Variants in HIVEP3 observed in about 807,000 individuals in gnomAD.
HIVEP3 encodes transcription factor HIVEP3.
Under a neutral mutation model 152.8 loss-of-function variants are expected in HIVEP3, and 49 were observed. The ratio of observed to expected loss-of-function variants is 0.32; its 90% CI spans 0.26 to 0.41. The LOEUF (loss-of-function observed/expected upper bound fraction) is 0.41. HIVEP3 is among the 10% of genes least tolerant of loss of function. The pLI is 1.00. For synonymous variants in HIVEP3, 1,269 were observed against 1,289.0 expected (o/e 0.98, Z 0.33); for missense variants, 2,790 against 3,103.3 (o/e 0.90, Z 2.40).
At chr1:42,023,634 T>C (rs1210447149) in intron 1 of HIVEP3, among the ~76,000 whole-genome samples, 1 of 152,008 alleles carries the variant, frequency 6.6e-6, no homozygotes, top group Non-Finnish European at 1.5e-5. Flanking sequence ...TGTTTAAAAG[T>C]GTGTAGCACC....
chr1:41,872,915 G>A (rs1210741699), intron 1 of HIVEP3, among the ~76,000 whole-genome samples: 1 of 152,146 alleles, frequency 6.6e-6, no homozygotes, highest in Non-Finnish European at 1.5e-5. Context: ...AAATACCTAG[G>A]AGTAAAATCA....
chr1:41,570,507 C>T (rs1313106811), intron 5 of HIVEP3, among the ~76,000 whole-genome samples: 1 of 152,172 alleles, frequency 6.6e-6, no homozygotes, highest in Non-Finnish European at 1.5e-5. Context: ...CTTGCTTCCC[C>T]TTCACCTTCC....
At chr1:41,778,837 T>C (rs1648866442) in intron 1 of HIVEP3, among the ~76,000 whole-genome samples, 2 of 152,134 alleles carry the variant, frequency 1.3e-5, no homozygotes, top group African/African-American at 2.4e-5. Flanking sequence ...GAGGGGTCTA[T>C]GTTACATCGG....
intron 3 of HIVEP3, among the ~76,000 whole-genome samples, chr1:41,619,070 C>T (rs1174520371): frequency 6.6e-6 from 1 of 152,070 alleles, no homozygotes; most frequent in Non-Finnish European, 1.5e-5. Context: ...CACTCCTCTG[C>T]TCAGGCCTCC....
chr1:41,583,090 A>G lies in HIVEP3; in HGVS notation c.1708T>C (p.Ser570Pro), dbSNP rs1644442221. The G allele has an allele frequency of 2.5e-6, 4 of 1,613,088 alleles. No individual in the cohort carries two copies. Among genetic ancestry groups the G allele is most frequent in the Non-Finnish European group, 3.4e-6 (4 of 1,179,796 alleles). Residue 570 changes from serine (S) to proline (P), a missense_variant, in exon 4 of 9, where the codon TCC (serine) becomes CCC (proline). Physicochemically the swap from Ser to Pro is moderately conservative, Grantham distance 74 (BLOSUM62 -1). Transcript: ENST00000372583. This position sits in a 1 kb window ranked among gnomAD's most constrained non-coding sequence, Gnocchi z 6.9. The stretch of plus-strand genomic sequence containing the variant: ...TGACTGCTGTGGCTCAGGGCTTCGG[A>G]GTCGGTGATATGGTCATCGAAGGAG... Reference protein sequence around the residue: ...SYSFDDHITDSEALSHSSHVF... With the variant: ...SYSFDDHITDPEALSHSSHVF...
At chr1:41,886,149 TC>T (rs1011453486) in intron 1 of HIVEP3, among the ~76,000 whole-genome samples, 19 of 152,180 alleles carry the variant, frequency 1.2e-4, no homozygotes, top group African/African-American at 4.1e-4. Flanking sequence ...CTGATACATT[TC>T]CCCTCATGTT....
intron 3 of HIVEP3, among the ~76,000 whole-genome samples, chr1:41,621,012 A>G (rs1437613413): frequency 6.6e-6 from 1 of 152,192 alleles, no homozygotes; most frequent in Non-Finnish European, 1.5e-5. Context: ...CAAGTAATTG[A>G]CAGTGTGACC....
At chr1:41,574,887 C>T (rs940552651) in intron 5 of HIVEP3, among the ~76,000 whole-genome samples, 3 of 152,342 alleles carry the variant, frequency 2.0e-5, no homozygotes, top group Non-Finnish European at 2.9e-5. Context: ...GTCTGAAACA[C>T]GGCACCCTTC....
In HIVEP3 at chr1:41,533,832, T is replaced by C. The variant is rs978767724; in HGVS notation, c.5208-8922A>G. Among the ~76,000 whole-genome samples, 1 of 151,952 alleles carries C rather than the reference T, an allele frequency of 6.6e-6. No homozygotes were observed. The highest frequency in any genetic ancestry group is 2.4e-5 in the African/African-American group (1 of 41,374). ...CGAGTTCCGATGCCTTTGCTATACA[T>C]CTAACTGCCTTAGTATCACCTCTGG... On this transcript the variant is annotated intron_variant, in intron 5 of 8. Transcript: ENST00000372583. This position sits in a 1 kb window ranked among gnomAD's most constrained non-coding sequence, Gnocchi z 4.3.
chr1:41,572,430 T>TC (rs397800455), intron 5 of HIVEP3, among the ~76,000 whole-genome samples: 1 of 210 alleles, frequency 4.8e-3, no homozygotes, highest in Non-Finnish European at 0.012. Flanking sequence ...TCGCCCACCC[T>TC]CTGGGCCCGG....
intron 1 of HIVEP3, among the ~76,000 whole-genome samples, chr1:41,818,905 G>T (rs190077205): frequency 6.6e-6 from 1 of 152,232 alleles, no homozygotes; most frequent in Non-Finnish European, 1.5e-5. Context: ...AAGTAATTCT[G>T]GGGCAACCTT....
intron 3 of HIVEP3, among the ~76,000 whole-genome samples, chr1:41,588,710 G>A (rs765434259): frequency 9.9e-5 from 15 of 152,170 alleles, no homozygotes; most frequent in Non-Finnish European, 1.6e-4. Context: ...CAGGAGCACC[G>A]TTGGCTGCCA....
intron 3 of HIVEP3, among the ~76,000 whole-genome samples, chr1:41,615,796 T>A (rs1385874810): frequency 6.9e-6 from 1 of 145,882 alleles, no homozygotes; most frequent in Non-Finnish European, 1.5e-5. Flanking sequence ...ATGCAGGGCT[T>A]CCACTGTATT....
chr1:41,618,978 A>G (rs10789402), intron 3 of HIVEP3, among the ~76,000 whole-genome samples: 93,811 of 152,152 alleles, frequency 0.62, 29,417 homozygotes, highest in African/African-American at 0.74. Flanking sequence ...GATCTGTCAC[A>G]TCACTGCCTC....
Position 41,581,401 on chromosome 1 carries a change from G to C in HIVEP3, c.3397C>G (p.Leu1133Val), listed in dbSNP as rs1301584638. The C allele has an allele frequency of 6.2e-7, 1 of 1,606,686 alleles. No individual in the cohort carries two copies. Among genetic ancestry groups the C allele is most frequent in the Non-Finnish European group, 8.5e-7 (1 of 1,176,584 alleles). ...VFHHPVAQTP[L>V]HEKPYLPPPV... The stretch of plus-strand genomic sequence containing the variant: ...GGGGGCAGGTATGGCTTCTCATGCA[G>C]GGGTGTCTGGGCAACGGGGTGGTGG... The change falls in exon 4 of 9, where the codon CTG becomes GTG. Residue 1133 changes from leucine to valine, a missense_variant. By Grantham distance (32) the Leu-to-Val change is conservative. Around this residue, in one of 9 missense-constraint regions of HIVEP3, gnomAD observed 1,078 missense variants for 1,165.3 expected, o/e 0.93. Transcript: ENST00000372583. The surrounding 1 kb of genome is among the most constrained non-coding windows in gnomAD (Gnocchi z 4.5).
At chr1:41,775,042 A>G (rs1648609035) in intron 1 of HIVEP3, among the ~76,000 whole-genome samples, 1 of 151,768 alleles carries the variant, frequency 6.6e-6, no homozygotes, top group Non-Finnish European at 1.5e-5. Flanking sequence ...GGCTCAAGCA[A>G]TCCTCCCTCC....
At chr1:41,772,634 G>A (rs545176263) in intron 1 of HIVEP3, among the ~76,000 whole-genome samples, 10 of 152,320 alleles carry the variant, frequency 6.6e-5, no homozygotes, top group Non-Finnish European at 1.2e-4. Flanking sequence ...ATAGGGCCAG[G>A]CACGGTGGCT....
chr1:42,027,830 G>A (rs1280909477), intron 1 of HIVEP3, among the ~76,000 whole-genome samples: 2 of 152,156 alleles, frequency 1.3e-5, no homozygotes, highest in Non-Finnish European at 2.9e-5. Context: ...AAACCCATCA[G>A]ATCTCATGAG....
rs917219207 is a variant in HIVEP3 at position 41,513,380 on chromosome 1, C to T, written c.5841G>A (p.Leu1947=). The T allele has an allele frequency of 6.8e-6, 11 of 1,611,966 alleles. No homozygotes were observed. The highest frequency in any genetic ancestry group is 3.3e-4 in the Middle Eastern group (2 of 6,074). The change falls in exon 8 of 9, where the codon CTG becomes CTA. Residue 1947 remains leucine (L), a synonymous_variant. Transcript: ENST00000372583. ...PGLPWLGPAP[L]GSVEKDTGSA... is the part of the protein sequence containing the mutation. ...AGCCTGTGTCTTTCTCCACAGAGCCCAGAGGGGCCGGTCCCAGCCAGGGGA... is the reference window on the plus strand; with the variant it reads ...AGCCTGTGTCTTTCTCCACAGAGCCTAGAGGGGCCGGTCCCAGCCAGGGGA...
Sources: allele counts gnomAD v4.1 joint callset (sites outside exome capture counted in the v4.1 genomes callset), GRCh38; gene constraint gnomAD v4.1.1; regional missense constraint gnomAD v4.1.1; non-coding constraint Gnocchi (gnomAD v3.1); transcripts MANE v1.5; gene names NCBI Gene and HGNC (gene_info 2026-07-23, HGNC 2026-07-21).